TAF3: variants seen among roughly 807,000 people sequenced by gnomAD.
TAF3 encodes the protein transcription initiation factor TFIID subunit 3.
TAF3 carries 7 observed loss-of-function variants against 80.6 expected under a neutral mutation model. That is an observed-to-expected ratio of 0.09 (90% confidence interval 0.05 to 0.16). TAF3 has a LOEUF of 0.16. TAF3 is among the 10% of genes least tolerant of loss of function. The pLI is 1.00. For synonymous variants in TAF3, 444 were observed against 446.1 expected (o/e 1.00, Z 0.06); for missense variants, 921 against 1,140.2 (o/e 0.81, Z 2.77).
intron 2 of TAF3, among the ~76,000 whole-genome samples, chr10:7,893,303 A>G (rs1338297150): frequency 6.6e-6 from 1 of 152,240 alleles, no homozygotes; most frequent in Non-Finnish European, 1.5e-5. Context: ...ACTAATGATG[A>G]ATTAGTACAA....
At chr10:7,872,637 T>C (rs1837278257) in intron 2 of TAF3, among the ~76,000 whole-genome samples, 1 of 152,190 alleles carries the variant, frequency 6.6e-6, no homozygotes, top group Non-Finnish European at 1.5e-5. Context: ...TGAATAATAA[T>C]ACAGGACAAC....
At chr10:8,005,511 G>A (rs562595671) in intron 4 of TAF3, among the ~76,000 whole-genome samples, 31 of 152,266 alleles carry the variant, frequency 2.0e-4, no homozygotes, top group East Asian at 5.8e-4. Flanking sequence ...CCTTAGTGTC[G>A]GGAGGGAGTT....
At chr10:7,822,835 C>T (rs1403738398) in intron 1 of TAF3, among the ~76,000 whole-genome samples, 1 of 152,140 alleles carries the variant, frequency 6.6e-6, no homozygotes, top group African/African-American at 2.4e-5. Flanking sequence ...AGACCTTAAG[C>T]TCTGCTAAGA....
At position 7,965,601 on chromosome 10, in the gene TAF3, G is replaced by T; in HGVS notation, c.2091G>T (p.Lys697Asn). The change falls in exon 3 of 7, where the codon AAG becomes AAT. Residue 697 changes from lysine (K) to asparagine (N), a missense_variant. Transcript: ENST00000344293. ...TGTTTGAGGAGAAAGAGAAGGTGAA[G>T]GAGAAAGAAAAGAAAAAGGACAAAA... The part of the protein sequence containing the change: ...EKLFEEKEKV[K>N]EKEKKKDKKE... 6.3e-7 allele frequency: 1 copy of T among 1,589,582 alleles called. No homozygotes were observed. The highest frequency in any genetic ancestry group is 1.2e-5 in the South Asian group (1 of 85,732).
intron 2 of TAF3, among the ~76,000 whole-genome samples, chr10:7,953,083 C>A (rs1281032167): frequency 1.3e-5 from 2 of 152,112 alleles, no homozygotes; most frequent in Non-Finnish European, 2.9e-5. Context: ...CTCAGAGTAG[C>A]TTCCCAGCTG....
intron 2 of TAF3, among the ~76,000 whole-genome samples, chr10:7,892,244 G>C (rs1837462796): frequency 6.6e-6 from 1 of 152,078 alleles, no homozygotes; most frequent in Admixed American, 6.5e-5. Context: ...ATAGATTATT[G>C]AACTAACTGA....
Position 7,977,304 on chromosome 10 carries a change from G to C in TAF3, c.2296G>C (p.Gly766Arg). The change falls in exon 4 of 7, where the codon GGT becomes CGT. Residue 766 changes from glycine (G) to arginine (R), a missense_variant. Coordinates refer to ENST00000344293, the MANE Select transcript of TAF3 (RefSeq NM_031923.4). ...TATCCCCAGATTAACTCTCCGAGTC[G>C]GTGCTGGCCAAGACAAGATGTAAGT... ...PVIPRLTLRV[G>R]AGQDKIVISK... 1 of 1,614,138 alleles carries C rather than the reference G, an allele frequency of 6.2e-7. No homozygotes were observed. The highest frequency in any genetic ancestry group is 8.5e-7 in the Non-Finnish European group (1 of 1,180,026).
At chr10:7,961,715 G>A (rs1473308432) in intron 2 of TAF3, among the ~76,000 whole-genome samples, 1 of 152,104 alleles carries the variant, frequency 6.6e-6, no homozygotes, top group Non-Finnish European at 1.5e-5. Context: ...CTGCCGAGTA[G>A]GCATTGCAGA....
chr10:7,925,814 A>AAAAAAG (rs1564364693), intron 2 of TAF3, among the ~76,000 whole-genome samples: 1 of 133,286 alleles, frequency 7.5e-6, no homozygotes, highest in Non-Finnish European at 1.6e-5. Flanking sequence ...AAAAAAAAAG[A>AAAAAAG]AAAGAAAAGA....
chr10:7,932,838 G>A (rs781293163), intron 2 of TAF3, among the ~76,000 whole-genome samples: 22 of 151,794 alleles, frequency 1.4e-4, no homozygotes, highest in African/African-American at 4.8e-4. Context: ...CTACCACACC[G>A]AGCTAATTCT....
chr10:7,938,173 A>G (rs1164055388), intron 2 of TAF3, among the ~76,000 whole-genome samples: 1 of 152,326 alleles, frequency 6.6e-6, no homozygotes, highest in Admixed American at 6.5e-5. Flanking sequence ...CATCTGTGGC[A>G]TCCCTGCCTA....
At chr10:7,829,106 C>T (rs1184395865) in intron 2 of TAF3, among the ~76,000 whole-genome samples, 1 of 146,940 alleles carries the variant, frequency 6.8e-6, no homozygotes, top group African/African-American at 2.5e-5. Context: ...TTACCAAGCT[C>T]AACTTAAACT....
intron 4 of TAF3, among the ~76,000 whole-genome samples, chr10:7,981,462 T>C (rs78515857): frequency 0.016 from 2,372 of 152,300 alleles, 32 homozygotes; most frequent in South Asian, 0.051. Flanking sequence ...TCATAATATA[T>C]TGGATCAGGT....
intron 2 of TAF3, among the ~76,000 whole-genome samples, chr10:7,951,118 T>G (rs537591708): frequency 6.6e-6 from 1 of 152,326 alleles, no homozygotes; most frequent in South Asian, 2.1e-4. Flanking sequence ...AACCTAACCG[T>G]GTATTTCTCT....
At chr10:7,850,947 G>T (rs1004699770) in intron 2 of TAF3, among the ~76,000 whole-genome samples, 2 of 152,010 alleles carry the variant, frequency 1.3e-5, no homozygotes, top group African/African-American at 2.4e-5. Flanking sequence ...TTCTCTGATT[G>T]TGTGTGCCAG....
intron 2 of TAF3, among the ~76,000 whole-genome samples, chr10:7,830,112 C>G (rs1836783515): frequency 6.6e-6 from 1 of 152,142 alleles, no homozygotes; most frequent in Non-Finnish European, 1.5e-5. Context: ...CTTTTGCACT[C>G]CTTGGACTCA....
intron 3 of TAF3, among the ~76,000 whole-genome samples, chr10:7,969,689 G>C (rs1036911427): frequency 6.6e-6 from 1 of 152,148 alleles, no homozygotes; most frequent in African/African-American, 2.4e-5. Context: ...CAAAGTGGGG[G>C]ATCTGTTTTT....
At chr10:7,961,427 C>G (rs1294323274) in intron 2 of TAF3, among the ~76,000 whole-genome samples, 1 of 152,196 alleles carries the variant, frequency 6.6e-6, no homozygotes, top group East Asian at 1.9e-4. Context: ...TGCTGTTGGC[C>G]TCATCCTCGT....
chr10:7,961,789 C>T (rs1831501961), intron 2 of TAF3, among the ~76,000 whole-genome samples: 2 of 152,102 alleles, frequency 1.3e-5, no homozygotes, highest in African/African-American at 4.8e-5. Flanking sequence ...TTTCTATTTC[C>T]TTATTTCCTG....
Sources: gnomAD v4.1 joint callset for allele counts (sites outside exome capture counted in the v4.1 genomes callset) on GRCh38, gnomAD v4.1.1 for gene constraint, MANE v1.5 for transcripts, NCBI Gene and HGNC (gene_info 2026-07-23, HGNC 2026-07-21) for gene names.